TMPRSS7: variants seen among roughly 807,000 people sequenced by gnomAD.
The protein encoded by TMPRSS7 is transmembrane serine protease 7.
A neutral mutation model predicts 95.6 loss-of-function variants in TMPRSS7; 81 were observed. That is an observed-to-expected ratio of 0.85 (90% CI 0.71 to 1.02). The LOEUF (loss-of-function observed/expected upper bound fraction) is 1.02. Ranked by LOEUF, TMPRSS7 falls within the 50% of genes least tolerant of loss-of-function variation. The pLI is 0.00. For missense variants in TMPRSS7, 945 were observed against 955.2 expected (o/e 0.99, Z 0.14); for synonymous variants, 364 against 337.8 (o/e 1.08, Z -0.85).
chr3:112,063,588 A>G (rs2073539751), exon 12 of TMPRSS7: 2 of 1,613,880 alleles, frequency 1.2e-6, no homozygotes, highest in South Asian at 1.1e-5. Context: ...CAGCGTTGTG[A>G]TGGAGTAAAT....
At chr3:112,077,850 G>A (rs1304197055) in intron 16 of TMPRSS7, among the ~76,000 whole-genome samples, 4 of 152,154 alleles carry the variant, frequency 2.6e-5, no homozygotes, top group African/African-American at 4.8e-5. Context: ...ATAGTGAGGG[G>A]AAGAATCCAA....
chr3:112,062,861 C>T (rs571426470), intron 11 of TMPRSS7, among the ~76,000 whole-genome samples: 18 of 152,118 alleles, frequency 1.2e-4, no homozygotes, highest in African/African-American at 3.4e-4. Context: ...TGTTTACCTA[C>T]GAACTCAGGA....
At chr3:112,050,540 C>CAAAATTTAA in intron 8 of TMPRSS7, 131 bp from the exon 9 acceptor site, 1 of 181,918 alleles carries the variant, frequency 5.5e-6, no homozygotes, top group Non-Finnish European at 9.5e-6. Context: ...AAAAAAAAAC[C>CAAAATTTAA]CAAAGTTTAA....
At chr3:112,059,877 G>A (rs572506304) in intron 10 of TMPRSS7, among the ~76,000 whole-genome samples, 2 of 152,312 alleles carry the variant, frequency 1.3e-5, no homozygotes, top group South Asian at 2.1e-4. Context: ...CCTGTTTCCC[G>A]AGTGCTTTAG....
chr3:112,076,981 C>G, exon 16 of TMPRSS7: 1 of 1,614,198 alleles, frequency 6.2e-7, no homozygotes, highest in Non-Finnish European at 8.5e-7. Flanking sequence ...AGTACTATAA[C>G]AGTCAGACTT....
intron 6 of TMPRSS7, 134 bp from the exon 7 acceptor site, chr3:112,047,605 G>T (rs1212485284): frequency 1.5e-6 from 1 of 684,192 alleles, no homozygotes; most frequent in East Asian, 2.7e-5. Context: ...AGAAGGCAGG[G>T]AAGTGGACCT....
rs1291881181 is a variant in TMPRSS7, at chr3:112,066,487, CA to C, written c.1655del (p.Asn552ThrfsTer126). 5 of 1,613,666 alleles carry C rather than the reference CA, an allele frequency of 3.1e-6. No homozygotes were observed. The highest frequency in any genetic ancestry group is 4.2e-6 in the Non-Finnish European group (5 of 1,179,858). ...GGACTGTGAGAATGGCCGGGATGAG[CA>C]AAACTGCACTCAAAGTGAGGGAGAG... is the stretch of plus-strand genomic sequence containing the variant. On this transcript the variant is annotated frameshift_variant, in exon 13 of 18. Transcript: ENST00000452346. LOFTEE classifies it high-confidence loss of function.
At chr3:112,063,781 T>C (rs762059012) in intron 12 of TMPRSS7, 149 bp downstream of exon 12, 4 of 687,114 alleles carry the variant, frequency 5.8e-6, no homozygotes, top group Non-Finnish European at 9.9e-6. Flanking sequence ...TAAACAATCA[T>C]TTATTCTTGA....
Position 112,038,051 on chromosome 3 carries a change from T to A in TMPRSS7, c.49-21T>A, listed in dbSNP as rs916349145. On this transcript the variant is annotated intron_variant, in intron 1 of 17. Coordinates refer to ENST00000452346, the Ensembl canonical transcript of TMPRSS7. ...CTGTCTACTTCTACTTGGTAACATA[T>A]CTTATTTCTTTTTTTTGAAGATATC... The A allele has an allele frequency of 5.7e-6, 4 of 701,282 alleles. No homozygotes were observed. In the East Asian group the frequency reaches 1.1e-4, roughly 19 times the overall value. The allele number at this position is 701,282 out of a possible 1,614,324, so 43.4% of individuals were successfully genotyped here.
chr3:112,048,896 A>G (rs952162423), intron 7 of TMPRSS7, among the ~76,000 whole-genome samples: 7 of 152,216 alleles, frequency 4.6e-5, no homozygotes, highest in African/African-American at 1.7e-4. Context: ...GCAGGAGAAT[A>G]GGATCTGAAG....
In TMPRSS7 at chr3:112,077,217, T is replaced by A. The variant is rs916038623; in HGVS notation, c.2224+73T>A. On this transcript the variant is annotated intron_variant, in intron 16 of 17. Coordinates refer to ENST00000452346, the Ensembl canonical transcript of TMPRSS7. ...AAGGTGTTTATGTAGTGCTTTAGGG[T>A]TCACAGAGAGGGTTTGTGTATATGA... 3 of 1,528,734 alleles carry A rather than the reference T, an allele frequency of 2.0e-6. No homozygotes were observed. In the African/African-American group the frequency reaches 4.1e-5, roughly 21 times the overall value. 94.7% of individuals were successfully genotyped at this position (1,528,734 alleles called of 1,614,324 possible). A position where few individuals can be genotyped will look rare whatever the true frequency, so the allele number is the denominator to read the frequency against.
chr3:112,079,085 G>A (rs2107765903), intron 17 of TMPRSS7, among the ~76,000 whole-genome samples: 1 of 152,314 alleles, frequency 6.6e-6, no homozygotes. Context: ...TTTCTATAAT[G>A]TGCTCCATGT....
chr3:112,076,922 C>G, exon 16 of TMPRSS7: 1 of 1,614,190 alleles, frequency 6.2e-7, no homozygotes, highest in Non-Finnish European at 8.5e-7. Context: ...GATGTATGTT[C>G]AGGGGAATGC....
At chr3:112,038,860 C>A (rs1183634774) in intron 2 of TMPRSS7, among the ~76,000 whole-genome samples, 1 of 151,958 alleles carries the variant, frequency 6.6e-6, no homozygotes, top group Non-Finnish European at 1.5e-5. Context: ...ACCATTTTCT[C>A]CCCATAGGAG....
chr3:112,043,245 T>C (rs1163585073), intron 3 of TMPRSS7, among the ~76,000 whole-genome samples: 3 of 152,212 alleles, frequency 2.0e-5, no homozygotes, highest in Non-Finnish European at 4.4e-5. Context: ...GACGGCATGT[T>C]ACTGTACTGA....
intron 9 of TMPRSS7, among the ~76,000 whole-genome samples, chr3:112,053,163 G>A (rs371498574): frequency 2.5e-4 from 30 of 122,202 alleles, no homozygotes; most frequent in African/African-American, 8.3e-4. Flanking sequence ...TTTTTCACCT[G>A]TAAAATAGCT....
rs1403407414 is a variant in TMPRSS7, at chr3:112,038,470, T to C, written c.298+149T>C. The C allele has an allele frequency of 1.2e-5, 7 of 596,220 alleles. No individual in the cohort carries two copies. The East Asian group carries it at 1.7e-4, about 14-fold the overall frequency. 36.9% of individuals were successfully genotyped at this position (596,220 alleles called of 1,614,324 possible). A position where few individuals can be genotyped will look rare whatever the true frequency, so the allele number is the denominator to read the frequency against. On this transcript the variant is annotated intron_variant, in intron 2 of 17. Transcript: ENST00000452346. The stretch of plus-strand genomic sequence containing the variant: ...CCATTTCCAAAACTGGTGTTGATGG[T>C]TTTTTATTATTTTGTTTTGAGACAA...
At chr3:112,052,726 A>C (rs753851660) in intron 9 of TMPRSS7, among the ~76,000 whole-genome samples, 1 of 152,234 alleles carries the variant, frequency 6.6e-6, no homozygotes. Flanking sequence ...GTGTGATAGC[A>C]GAAAAAGACA....
intron 13 of TMPRSS7, among the ~76,000 whole-genome samples, chr3:112,070,210 T>C (rs538920417): frequency 1.3e-5 from 2 of 152,336 alleles, no homozygotes; most frequent in Non-Finnish European, 2.9e-5. Context: ...TGTTGTGATT[T>C]CTGTTCTTTT....
Sources: gnomAD v4.1 joint callset for allele counts (sites outside exome capture counted in the v4.1 genomes callset) on GRCh38, gnomAD v4.1.1 for gene constraint, MANE v1.5 for transcripts, NCBI Gene and HGNC (gene_info 2026-07-23, HGNC 2026-07-21) for gene names.